Variants in NOS2 observed in about 807,000 individuals in gnomAD.
NOS2 encodes nitric oxide synthase 2.
NOS2 carries 96 observed loss-of-function variants against 136.0 expected under a neutral mutation model. The observed-to-expected ratio is 0.71, with a 90% confidence interval of 0.60 to 0.84. The LOEUF (loss-of-function observed/expected upper bound fraction) is 0.84. Among genes scored for constraint, NOS2 ranks in the 40% least tolerant of loss-of-function variants. The probability of loss-of-function intolerance (pLI) is 0.00; values close to 1 mark genes in which losing one functional copy is unlikely to be tolerated. For missense variants in NOS2, 1,237 were observed against 1,496.9 expected, an observed-to-expected ratio of 0.83 and a Z score of 2.87; for synonymous variants, 539 against 587.5, an observed-to-expected ratio of 0.92 and a Z score of 1.20.
At position 27,780,651 on chromosome 17, in the gene NOS2, C is replaced by T. The variant is rs567660546; in HGVS notation, c.1004+116G>A. 4.7e-5 allele frequency: 64 copies of T among 1,363,214 alleles called. No individual in the cohort carries two copies. The East Asian group carries it at 1.2e-3, about 25-fold the overall frequency. 84.4% of individuals were successfully genotyped at this position (1,363,214 alleles called of 1,614,324 possible). ...CCTTGAAGGCCAGCCCCCTGAGTGT[C>T]ACCTGCTGCTGGCTGGGCTTTAGGG... is the stretch of plus-strand genomic sequence containing the variant. On this transcript the variant is annotated intron_variant, in intron 9 of 26. Transcript: ENST00000313735.
At chr17:27,791,293 C>G (rs1466031464) in intron 2 of NOS2, among the ~76,000 whole-genome samples, 2 of 152,198 alleles carry the variant, frequency 1.3e-5, no homozygotes, top group Non-Finnish European at 2.9e-5. Flanking sequence ...ACTCAGACTT[C>G]TGAATCTTCT....
chr17:27,780,997 C>A, intron 8 of NOS2, 39 bp downstream of exon 8: 1 of 1,605,828 alleles, frequency 6.2e-7, no homozygotes, highest in South Asian at 1.1e-5. Flanking sequence ...CACGGGGCTC[C>A]CCGCCCCAAT....
Position 27,759,434 on chromosome 17 carries a change from T to G in NOS2, c.3160-359A>C, listed in dbSNP as rs1256093170. On this transcript the variant is annotated intron_variant, in intron 25 of 26. Transcript: ENST00000313735. ...GAAAAGGGAGCCTCTCAATGCAGTC[T>G]ACCCATTAGGTCTCTGCAGGGTATG... Among the ~76,000 whole-genome samples, 6 of 152,110 alleles carry G rather than the reference T, an allele frequency of 3.9e-5. No individual in the cohort carries two copies. The East Asian group carries it at 1.2e-3, about 29-fold the overall frequency.
Position 27,774,075 on chromosome 17 carries a change from G to A in NOS2, c.1476+182C>T, listed in dbSNP as rs543252893. ...TGCAGTGGAAGCCACTTCCTTCAGT[G>A]CCACTCTCCGTGGAAATGCACAAAG... is the stretch of plus-strand genomic sequence containing the variant. On this transcript the variant is annotated intron_variant, in intron 12 of 26. Coordinates refer to ENST00000313735, the MANE Select transcript of NOS2 (RefSeq NM_000625.4). Among the ~76,000 whole-genome samples, 3 of 152,282 alleles carry A rather than the reference G, an allele frequency of 2.0e-5. No homozygotes were observed. In the South Asian group the frequency reaches 6.2e-4, roughly 32 times the overall value.
At position 27,778,797 on chromosome 17, in the gene NOS2, G is replaced by A. The variant is rs199862058; in HGVS notation, c.1180-6C>T. 11 of 1,614,050 alleles carry A rather than the reference G, an allele frequency of 6.8e-6. No homozygotes were observed. The East Asian group carries it at 2.0e-4, about 29-fold the overall frequency. ...CCCATTCTCCTGCCCACTTCCTACA[G>A]AGGCAGAGTGATAGCGGCGAGTCGG... On this transcript the variant is annotated splice_region_variant and splice_polypyrimidine_tract_variant and intron_variant, in intron 10 of 26. Transcript: ENST00000313735.
chr17:27,797,399 G>T (rs1302670965), intron 2 of NOS2, among the ~76,000 whole-genome samples: 1 of 152,238 alleles, frequency 6.6e-6, no homozygotes, highest in Non-Finnish European at 1.5e-5. Flanking sequence ...CCAACTCCAG[G>T]AAATCACCAT....
intron 13 of NOS2, 60 bp from the exon 14 acceptor site, chr17:27,772,512 G>A (rs566567726): frequency 6.3e-7 from 1 of 1,592,118 alleles, no homozygotes; most frequent in African/African-American, 1.3e-5. Flanking sequence ...AGAAGAAAAT[G>A]GGGGACCAGG....
chr17:27,793,670 A>C (rs976221525), intron 2 of NOS2: 1 of 396,404 alleles, frequency 2.5e-6, no homozygotes. Flanking sequence ...GCGGCCTCGC[A>C]CGCCGCGCCC....
intron 18 of NOS2, among the ~76,000 whole-genome samples, chr17:27,767,397 C>T (rs1908339848): frequency 6.6e-6 from 1 of 152,204 alleles, no homozygotes; most frequent in Non-Finnish European, 1.5e-5. Context: ...CTGTGCCTTT[C>T]TCCCAGGAGG....
intron 11 of NOS2, among the ~76,000 whole-genome samples, chr17:27,778,289 T>C (rs568742217): frequency 1.3e-5 from 2 of 152,030 alleles, no homozygotes; most frequent in East Asian, 1.9e-4. Flanking sequence ...GATCTCTCCA[T>C]AGTTTTGCTG....
intron 1 of NOS2, among the ~76,000 whole-genome samples, chr17:27,799,121 G>A (rs754469422): frequency 2.6e-5 from 4 of 152,214 alleles, no homozygotes; most frequent in South Asian, 2.1e-4. Flanking sequence ...CATCCCCATC[G>A]CCACTTAACA....
chr17:27,774,329 C>T lies in NOS2; in HGVS notation c.1404G>A (p.Met468Ile), dbSNP rs1218154613. 1.3e-6 allele frequency: 2 copies of T among 1,584,834 alleles called. No homozygotes were observed. The highest frequency in any genetic ancestry group is 2.3e-5 in the South Asian group (2 of 86,198). ...GAAACACGGGGGTGATGCTCCCAGA[C>T]ATGGGAGGGACCAGCCAAATCCAGT... ...PADWIWLVPP[M>I]SGSITPVFHQ... The change falls in exon 12 of 27, where the codon ATG (methionine) becomes ATA (isoleucine). Residue 468 changes from methionine to isoleucine, a missense_variant. Transcript: ENST00000313735.
chr17:27,773,831 G>A (rs774336389), intron 12 of NOS2, among the ~76,000 whole-genome samples: 7 of 152,176 alleles, frequency 4.6e-5, no homozygotes, highest in East Asian at 1.9e-4. Flanking sequence ...ACAACCCCCC[G>A]TCGTGGAGTG....
chr17:27,779,166 G>A lies in NOS2; in HGVS notation c.1005-110C>T, dbSNP rs186255750. 6.0e-3 allele frequency: 4,730 copies of A among 789,388 alleles called. 20 individuals are homozygous for A. Among genetic ancestry groups the A allele is most frequent in the Non-Finnish European group, 6.9e-3 (3,977 of 573,674 alleles). 48.9% of individuals were successfully genotyped at this position (789,388 alleles called of 1,614,324 possible). ...TCTGTTGCTCATGCTGGAGTGCAGT[G>A]CAGTGGCACAATCATAACTCACTGC... On this transcript the variant is annotated intron_variant, in intron 9 of 26. Transcript: ENST00000313735.
chr17:27,778,545 C>G (rs1214713998), intron 11 of NOS2, 145 bp downstream of exon 11: 1 of 653,250 alleles, frequency 1.5e-6, no homozygotes, highest in Non-Finnish European at 2.7e-6. Flanking sequence ...AGGGATTGAA[C>G]AGTCTTGGGA....
intron 2 of NOS2, among the ~76,000 whole-genome samples, chr17:27,794,699 C>T (rs1309940042): frequency 1.4e-5 from 2 of 146,586 alleles, no homozygotes; most frequent in South Asian, 2.2e-4. Flanking sequence ...TACACACATG[C>T]GTACACACAC....
chr17:27,769,641 T>C (rs936645353), intron 15 of NOS2, 57 bp from the exon 16 acceptor site: 3 of 1,474,072 alleles, frequency 2.0e-6, no homozygotes, highest in African/African-American at 2.8e-5. Context: ...AACACTGTTT[T>C]TTCCTTTCTT....
Position 27,762,872 on chromosome 17 carries a change from G to C in NOS2, c.2726C>G (p.Ser909Cys). Residue 909 changes from serine (S) to cysteine (C), a missense_variant, in exon 22 of 27, where the codon TCC becomes TGC. Ser to Cys is a moderately radical substitution (Grantham distance 112). Transcript: ENST00000313735. ...CGTGTGATCCCGGGAGGAGCTGATG[G>C]AGTAGAACCTGGGCTTCAGAATGGG... ...QLPILKPRFY[S>C]ISSSRDHTPT... is the part of the protein sequence containing the mutation. 1 of 1,586,140 alleles carries C rather than the reference G, an allele frequency of 6.3e-7. No individual in the cohort carries two copies. The highest frequency in any genetic ancestry group is 8.6e-7 in the Non-Finnish European group (1 of 1,166,664).
chr17:27,767,931 A>C lies in NOS2; in HGVS notation c.2035-94T>G, dbSNP rs1283909585. The C allele has an allele frequency of 3.3e-6, 5 of 1,496,960 alleles. No individual in the cohort carries two copies. The African/African-American group carries it at 5.5e-5, about 16-fold the overall frequency. The allele number at this position is 1,496,960 out of a possible 1,614,324, so 92.7% of individuals were successfully genotyped here. A position where few individuals can be genotyped will look rare whatever the true frequency, so the allele number is the denominator to read the frequency against. ...ACTTTTTAGGCCCTTACCATGGGCC[A>C]AACACTGAGCCGTGTGTTTCGTGTA... On this transcript the variant is annotated intron_variant, in intron 17 of 26. Transcript: ENST00000313735.
Sources: gnomAD v4.1 joint callset for allele counts (sites outside exome capture counted in the v4.1 genomes callset) on GRCh38, gnomAD v4.1.1 for gene constraint, MANE v1.5 for transcripts, NCBI Gene and HGNC (gene_info 2026-07-23, HGNC 2026-07-21) for gene names.